Variants in SLC71A1 observed in about 807,000 individuals in gnomAD.
The protein encoded by SLC71A1 is solute carrier family 71 member 1.
At chr1:100,052,677 G>A in the SLC71A1 span, among the ~76,000 whole-genome samples, 6 of 151,952 alleles carry the variant, frequency 3.9e-5, no homozygotes, top group East Asian at 5.8e-4. Flanking sequence ...TGATCCGCCC[G>A]CCTTGGCCTC....
At chr1:100,059,461 C>T in the SLC71A1 span, among the ~76,000 whole-genome samples, 4 of 151,434 alleles carry the variant, frequency 2.6e-5, no homozygotes, top group East Asian at 7.7e-4. Context: ...AGCTCAAATT[C>T]TTTACTCTTG....
the SLC71A1 span, among the ~76,000 whole-genome samples, chr1:100,076,711 G>C: frequency 3.4e-4 from 51 of 152,222 alleles, no homozygotes; most frequent in Non-Finnish European, 2.9e-5. Flanking sequence ...TTTATAAAAG[G>C]CATCATGGTT....
chr1:100,068,219 C>T, the SLC71A1 span: 1 of 1,577,366 alleles, frequency 6.3e-7, no homozygotes, highest in African/African-American at 1.4e-5. Flanking sequence ...TTTTCCTTCT[C>T]CTTGATAAAA....
chr1:100,069,421 C>G, the SLC71A1 span, among the ~76,000 whole-genome samples: 2 of 152,094 alleles, frequency 1.3e-5, no homozygotes, highest in Admixed American at 6.6e-5. Flanking sequence ...ATTGAGGGAC[C>G]CACCATGGAT....
the SLC71A1 span, chr1:100,058,791 G>C: frequency 1.2e-6 from 1 of 825,654 alleles, no homozygotes; most frequent in East Asian, 2.6e-5. Flanking sequence ...GCACACGGAT[G>C]AACATACATA....
the SLC71A1 span, among the ~76,000 whole-genome samples, chr1:100,059,207 G>A: frequency 1.5e-5 from 2 of 132,142 alleles, no homozygotes; most frequent in Middle Eastern, 4.3e-3. Flanking sequence ...AGGCTGGAGT[G>A]CAAGTGGCAT....
the SLC71A1 span, chr1:100,080,668 C>A: frequency 6.2e-7 from 1 of 1,608,890 alleles, no homozygotes; most frequent in Non-Finnish European, 8.5e-7. Context: ...AGGTAATTCT[C>A]ATTCAACATG....
At chr1:100,072,292 A>C in the SLC71A1 span, among the ~76,000 whole-genome samples, 1 of 152,114 alleles carries the variant, frequency 6.6e-6, no homozygotes, top group Non-Finnish European at 1.5e-5. Flanking sequence ...TGTTTGCTTT[A>C]TTTCTTACCC....
At chr1:100,066,095 A>T in the SLC71A1 span, among the ~76,000 whole-genome samples, 1 of 152,274 alleles carries the variant, frequency 6.6e-6, no homozygotes, top group Non-Finnish European at 1.5e-5. Flanking sequence ...TTTCAACTTT[A>T]ATCTTCATCT....
the SLC71A1 span, chr1:100,058,764 C>A: frequency 1.0e-6 from 1 of 974,924 alleles, no homozygotes; most frequent in South Asian, 1.4e-5. Context: ...TGTATATATA[C>A]ATACATACAC....
chr1:100,039,620 A>G, the SLC71A1 span, among the ~76,000 whole-genome samples: 4 of 152,360 alleles, frequency 2.6e-5, no homozygotes, highest in East Asian at 5.8e-4. Flanking sequence ...ATGAAGAGTC[A>G]TAGCTCTTTT....
At chr1:100,078,611 G>A in the SLC71A1 span, 1 of 1,155,914 alleles carries the variant, frequency 8.7e-7, no homozygotes. Context: ...CCTGTGTTCT[G>A]TCTCCTATGT....
chr1:100,072,696 T>C, the SLC71A1 span, among the ~76,000 whole-genome samples: 2 of 152,256 alleles, frequency 1.3e-5, no homozygotes, highest in East Asian at 3.9e-4. Context: ...TAACCGGGTG[T>C]GGGCCAACCT....
chr1:100,049,976 G>T, the SLC71A1 span: 1 of 1,603,298 alleles, frequency 6.2e-7, no homozygotes, highest in Non-Finnish European at 8.5e-7. Context: ...TTTTTTGCTT[G>T]GGGACTATTG....
the SLC71A1 span, among the ~76,000 whole-genome samples, chr1:100,044,711 T>G: frequency 1.3e-5 from 2 of 151,984 alleles, no homozygotes; most frequent in Non-Finnish European, 2.9e-5. Flanking sequence ...AGAGACGAGT[T>G]TTCTCTATGT....
the SLC71A1 span, among the ~76,000 whole-genome samples, chr1:100,045,472 T>C: frequency 1.3e-5 from 2 of 152,230 alleles, no homozygotes; most frequent in African/African-American, 4.8e-5. Context: ...CTTTTCCAAT[T>C]TGCATGCTCG....
the SLC71A1 span, among the ~76,000 whole-genome samples, chr1:100,039,301 C>T: frequency 1.3e-5 from 2 of 152,136 alleles, no homozygotes; most frequent in African/African-American, 4.8e-5. Context: ...AATTCCATTT[C>T]TGTTTATATC....
chr1:100,039,019 A>G, the SLC71A1 span, among the ~76,000 whole-genome samples: 10 of 152,368 alleles, frequency 6.6e-5, no homozygotes, highest in East Asian at 1.9e-3. Flanking sequence ...TCATGGCCTA[A>G]GGATCGGAGG....
the SLC71A1 span, among the ~76,000 whole-genome samples, chr1:100,055,569 T>C: frequency 6.6e-6 from 1 of 151,956 alleles, no homozygotes; most frequent in Non-Finnish European, 1.5e-5. Flanking sequence ...TTTTTATTTT[T>C]AAATAATATT....
Sources: allele counts gnomAD v4.1 joint callset (sites outside exome capture counted in the v4.1 genomes callset), GRCh38; gene constraint gnomAD v4.1.1; transcripts MANE v1.5; gene names NCBI Gene and HGNC (gene_info 2026-07-23, HGNC 2026-07-21).